The following RALA variants were observed in gnomAD, a reference collection of about 807,000 sequenced individuals.
RALA encodes the protein RAS like proto-oncogene A.
Under a neutral mutation model 24.0 loss-of-function variants are expected in RALA, and 5 were observed. The observed-to-expected ratio is 0.21, with a 90% CI of 0.11 to 0.44. The LOEUF (loss-of-function observed/expected upper bound fraction) is 0.44, where lower values mean the gene tolerates loss of function less well. Ranked by LOEUF, RALA falls within the 20% of genes least tolerant of loss-of-function variation. RALA has a pLI of 0.99. For missense variants in RALA, 95 were observed against 241.2 expected (o/e 0.39, Z 4.01); for synonymous variants, 77 against 83.8 (o/e 0.92, Z 0.44).
At chr7:39,657,514 T>C (rs1370367272) in intron 1 of RALA, among the ~76,000 whole-genome samples, 1 of 152,208 alleles carries the variant, frequency 6.6e-6, no homozygotes, top group Non-Finnish European at 1.5e-5. Flanking sequence ...GGATATTGTA[T>C]TGGAGACGGT....
intron 1 of RALA, among the ~76,000 whole-genome samples, chr7:39,656,434 C>T (rs932041637): frequency 3.3e-5 from 5 of 152,100 alleles, no homozygotes; most frequent in Non-Finnish European, 7.4e-5. Flanking sequence ...TTAGTTATGA[C>T]TCTATGAGGC....
At chr7:39,662,670 T>G (rs1792213358) in intron 1 of RALA, among the ~76,000 whole-genome samples, 1 of 152,194 alleles carries the variant, frequency 6.6e-6, no homozygotes, top group Non-Finnish European at 1.5e-5. Context: ...CTATATATCA[T>G]TATCAGCATT....
intron 1 of RALA, among the ~76,000 whole-genome samples, chr7:39,628,131 T>A (rs1791525972): frequency 6.6e-6 from 1 of 151,920 alleles, no homozygotes; most frequent in East Asian, 1.9e-4. Context: ...TCCCCTAATC[T>A]AGTATACTCC....
At chr7:39,689,836 T>C (rs1316680783) in intron 2 of RALA, among the ~76,000 whole-genome samples, 4 of 152,040 alleles carry the variant, frequency 2.6e-5, no homozygotes, top group African/African-American at 9.7e-5. Context: ...ACGATAGGAG[T>C]GGGAATGTAA....
intron 1 of RALA, among the ~76,000 whole-genome samples, chr7:39,660,592 G>T (rs1179863904): frequency 6.6e-6 from 1 of 151,824 alleles, no homozygotes; most frequent in Admixed American, 6.6e-5. Context: ...TCATGTGATT[G>T]TATTTTTATG....
At chr7:39,698,612 C>T (rs991597558) in intron 4 of RALA, among the ~76,000 whole-genome samples, 3 of 152,124 alleles carry the variant, frequency 2.0e-5, no homozygotes, top group Non-Finnish European at 2.9e-5. Context: ...ATTCTCATAG[C>T]ATATATATAC....
At chr7:39,698,285 T>G (rs142535100) in intron 4 of RALA, among the ~76,000 whole-genome samples, 229 of 152,250 alleles carry the variant, frequency 1.5e-3, no homozygotes, top group African/African-American at 5.3e-3. Flanking sequence ...AATTTTGGGG[T>G]GACACAAGCA....
intron 1 of RALA, among the ~76,000 whole-genome samples, chr7:39,635,562 G>T (rs1479664397): frequency 6.6e-6 from 1 of 152,106 alleles, no homozygotes; most frequent in East Asian, 1.9e-4. Flanking sequence ...TACAGCAGTG[G>T]TCCCCAACCT....
intron 1 of RALA, among the ~76,000 whole-genome samples, chr7:39,656,083 A>G (rs1452161221): frequency 1.3e-5 from 2 of 152,204 alleles, no homozygotes; most frequent in African/African-American, 2.4e-5. Flanking sequence ...TTTAGTGAGT[A>G]TATAGTTTTT....
rs902537344 is a variant in RALA at position 39,696,685 on chromosome 7, G to A, written c.324G>A (p.Arg108=). The A allele has an allele frequency of 1.3e-6, 2 of 1,589,122 alleles. No homozygotes were observed. Among genetic ancestry groups the A allele is most frequent in the African/African-American group, 2.7e-5 (2 of 73,602 alleles). ...MESFAATADF[R]EQILRVKEDE... is the part of the protein sequence containing the mutation. The stretch of plus-strand genomic sequence containing the variant: ...TTCTTTTTCATTTTCTCTTATCCAG[G>A]GAGCAGATTTTAAGAGTAAAAGAAG... Residue 108 remains arginine, a splice_region_variant and synonymous_variant, in exon 4 of 5, where the codon AGG becomes AGA. Transcript: ENST00000005257.
chr7:39,691,859 G>A (rs2116085494), intron 3 of RALA, among the ~76,000 whole-genome samples: 1 of 152,320 alleles, frequency 6.6e-6, no homozygotes, highest in South Asian at 2.1e-4. Context: ...TATTCATTCA[G>A]CAGATATTTG....
chr7:39,643,489 G>A (rs1791855962), intron 1 of RALA, among the ~76,000 whole-genome samples: 1 of 152,166 alleles, frequency 6.6e-6, no homozygotes. Flanking sequence ...GAGAGGCTGA[G>A]GCAGGCGGAT....
chr7:39,692,895 C>T (rs772160990), intron 3 of RALA, among the ~76,000 whole-genome samples: 15 of 152,040 alleles, frequency 9.9e-5, no homozygotes, highest in Non-Finnish European at 1.9e-4. Context: ...CATTCAGTGG[C>T]GATCATTAGA....
chr7:39,684,541 C>G (rs998017813), intron 1 of RALA, among the ~76,000 whole-genome samples: 2 of 151,708 alleles, frequency 1.3e-5, no homozygotes, highest in African/African-American at 4.8e-5. Flanking sequence ...AGGCACAGAC[C>G]CATGGCAGAT....
intron 1 of RALA, among the ~76,000 whole-genome samples, chr7:39,660,243 G>A (rs1792165112): frequency 6.6e-6 from 1 of 151,950 alleles, no homozygotes; most frequent in Admixed American, 6.6e-5. Context: ...CTAGTTGGGA[G>A]GCTGAGGCAA....
chr7:39,625,051 A>G lies in RALA; in HGVS notation c.-38+1226A>G, dbSNP rs189906738. 2.3e-3 allele frequency among the ~76,000 whole-genome samples: 357 copies of G among 152,336 alleles called. 4 individuals are homozygous for G. The highest frequency in any genetic ancestry group is 1.2e-3 in the South Asian group (6 of 4,830). The stretch of plus-strand genomic sequence containing the variant: ...CTTGGATTTCTTTAGGGCAGGAGCC[A>G]TGTCCTACTTATGACTGTTTCTATG... On this transcript the variant is annotated intron_variant, in intron 1 of 4. Transcript: ENST00000005257.
At chr7:39,702,223 C>T (rs1487848650) in intron 4 of RALA, among the ~76,000 whole-genome samples, 1 of 151,994 alleles carries the variant, frequency 6.6e-6, no homozygotes, top group African/African-American at 2.4e-5. Context: ...ATTTTTCTCC[C>T]ATAGTTCACT....
At chr7:39,701,284 G>A (rs1177849971) in intron 4 of RALA, among the ~76,000 whole-genome samples, 1 of 152,194 alleles carries the variant, frequency 6.6e-6, no homozygotes, top group African/African-American at 2.4e-5. Flanking sequence ...GCCGAGGCAG[G>A]CAGATTACTT....
chr7:39,697,499 C>CA, intron 4 of RALA: 1 of 456,162 alleles, frequency 2.2e-6, no homozygotes, highest in Non-Finnish European at 4.4e-6. Flanking sequence ...AAAGACTGCT[C>CA]ACTGGGCTGA....
Sources: allele counts gnomAD v4.1 joint callset (sites outside exome capture counted in the v4.1 genomes callset), GRCh38; gene constraint gnomAD v4.1.1; transcripts MANE v1.5; gene names NCBI Gene and HGNC (gene_info 2026-07-23, HGNC 2026-07-21).